Variants in KLC2 observed in about 807,000 individuals in gnomAD.
KLC2 encodes KLC 2.
A neutral mutation model predicts 75.1 loss-of-function variants in KLC2; 35 were observed. That is an observed-to-expected ratio of 0.47 (90% confidence interval 0.36 to 0.62). KLC2 has a LOEUF of 0.62. KLC2 is among the 20% of genes least tolerant of loss of function. The pLI is 0.00. For missense variants in KLC2, 611 were observed against 833.2 expected (o/e 0.73, Z 3.28); for synonymous variants, 314 against 336.7 (o/e 0.93, Z 0.74).
At chr11:66,265,325 C>T in intron 11 of KLC2, 90 bp downstream of exon 11, 1 of 1,147,788 alleles carries the variant, frequency 8.7e-7, no homozygotes, top group Non-Finnish European at 1.3e-6. Context: ...CCCTCCTCTG[C>T]TGCTCATCTG....
chr11:66,264,424 AAG>A lies in KLC2; in HGVS notation c.1199_1200del (p.Glu400ValfsTer24). ...GAGATCCTCACCCGCGCTCATGAGA[AAG>A]AGTTTGGCTCTGTCAATGGTGAGTG... is the stretch of plus-strand genomic sequence containing the variant. On this transcript the variant is annotated frameshift_variant, in exon 9 of 16. Coordinates refer to ENST00000394067, the MANE Select transcript of KLC2 (RefSeq NM_001318734.2). LOFTEE classifies it high-confidence loss of function. 6.2e-7 allele frequency: 1 copy of A among 1,613,242 alleles called. No homozygotes were observed. The highest frequency in any genetic ancestry group is 8.5e-7 in the Non-Finnish European group (1 of 1,179,614).
intron 2 of KLC2, 107 bp downstream of exon 2, chr11:66,258,929 C>A: frequency 2.6e-6 from 2 of 781,406 alleles, no homozygotes; most frequent in Non-Finnish European, 4.1e-6. Context: ...CGTCTGTTTC[C>A]TGGAGCCCCA....
the KLC2 span, among the ~76,000 whole-genome samples, chr11:66,246,495 C>T: frequency 6.6e-6 from 1 of 152,174 alleles, no homozygotes; most frequent in Non-Finnish European, 1.5e-5. Context: ...CATCCCTCTT[C>T]ACTCCTTGAG....
chr11:66,256,685 G>A (rs1390489098), upstream of KLC2, among the ~76,000 whole-genome samples: 1 of 152,186 alleles, frequency 6.6e-6, no homozygotes, highest in Non-Finnish European at 1.5e-5. Flanking sequence ...AAAAACCATT[G>A]GCAGAGCACA....
chr11:66,260,404 G>A (rs2134803248), intron 2 of KLC2, among the ~76,000 whole-genome samples: 1 of 152,306 alleles, frequency 6.6e-6, no homozygotes, highest in East Asian at 1.9e-4. Flanking sequence ...AAGGCCATGT[G>A]TGAAGCTGGA....
intron 15 of KLC2, 42 bp downstream of exon 15, chr11:66,266,532 G>A (rs373056614): frequency 3.2e-5 from 50 of 1,568,098 alleles, no homozygotes; most frequent in African/African-American, 6.8e-5. Flanking sequence ...AGCTGCGGCC[G>A]GGGCTGCATG....
rs1408091386 is a variant in KLC2, at chr11:66,267,338, T to C, written c.*382T>C. The C allele has an allele frequency of 1.3e-6, 1 of 758,588 alleles. No individual in the cohort carries two copies. Among genetic ancestry groups the C allele is most frequent in the Middle Eastern group, 2.2e-4 (1 of 4,454 alleles). The allele number at this position is 758,588 out of a possible 1,614,324, so 47.0% of individuals were successfully genotyped here. A position where few individuals can be genotyped will look rare whatever the true frequency, so the allele number is the denominator to read the frequency against. ...CGACTCAACCCGGCCGTTGCTTCTGTATATAGAGAAATAAGTTATTGGCCG... is the reference window on the plus strand; with the variant it reads ...CGACTCAACCCGGCCGTTGCTTCTGCATATAGAGAAATAAGTTATTGGCCG... On this transcript the variant is annotated 3_prime_UTR_variant, in exon 16 of 16. Coordinates refer to ENST00000394067, the MANE Select transcript of KLC2 (RefSeq NM_001318734.2).
chr11:66,245,663 C>T, the KLC2 span, among the ~76,000 whole-genome samples: 1 of 151,998 alleles, frequency 6.6e-6, no homozygotes, highest in Non-Finnish European at 1.5e-5. Context: ...TTGCAGTGAG[C>T]CGAGATCGCG....
intron 2 of KLC2, chr11:66,261,451 G>A (rs113230199): frequency 2.7e-6 from 1 of 373,572 alleles, no homozygotes; most frequent in Non-Finnish European, 4.9e-6. Flanking sequence ...GAAGGAAGGG[G>A]CTAGTAGCTC....
In KLC2 at chr11:66,261,733, G is replaced by A. The variant is rs747678728; in HGVS notation, c.229-9G>A. ...AGGCCTCCGACCCTTACCTGGGCTG[G>A]TTGCACAGGTGATCTTGGCATTGTC... On this transcript the variant is annotated splice_polypyrimidine_tract_variant and intron_variant, in intron 2 of 15. Transcript: ENST00000394067. The A allele has an allele frequency of 2.4e-5, 39 of 1,597,250 alleles. 1 individual carries two copies. The South Asian group carries it at 4.3e-4, about 18-fold the overall frequency.
At position 66,258,654 on chromosome 11, in the gene KLC2, C is replaced by T; in HGVS notation, c.60C>T (p.Gly20=). ...EKLSQDEIVL[G]TKAVIQGLET... Reference sequence around the variant, plus strand: ...TGAGCCAGGATGAGATCGTGCTGGGCACCAAGGCTGTCATCCAGGGACTGG... The same window carrying T: ...TGAGCCAGGATGAGATCGTGCTGGGTACCAAGGCTGTCATCCAGGGACTGG... The change falls in exon 2 of 16, where the codon GGC becomes GGT. Residue 20 remains glycine (G), a synonymous_variant. Coordinates refer to ENST00000394067, the MANE Select transcript of KLC2 (RefSeq NM_001318734.2). 3.1e-6 allele frequency: 5 copies of T among 1,614,074 alleles called. No individual in the cohort carries two copies. Among genetic ancestry groups the T allele is most frequent in the Non-Finnish European group, 4.2e-6 (5 of 1,179,998 alleles).
At chr11:66,248,091 G>A in the KLC2 span, among the ~76,000 whole-genome samples, 1 of 152,128 alleles carries the variant, frequency 6.6e-6, no homozygotes, top group African/African-American at 2.4e-5. Flanking sequence ...AGAGACTAAA[G>A]GCTTTTTGAT....
At position 66,258,542 on chromosome 11, in the gene KLC2, C is replaced by T. The variant is rs563973817; in HGVS notation, c.-11-42C>T. 3.5e-5 allele frequency: 50 copies of T among 1,425,422 alleles called. 1 individual carries two copies. The South Asian group carries it at 5.5e-4, about 16-fold the overall frequency. The allele number at this position is 1,425,422 out of a possible 1,614,324, so 88.3% of individuals were successfully genotyped here. On this transcript the variant is annotated intron_variant, in intron 1 of 15. Transcript: ENST00000394067. ...AATCCGGGGCGGACGGCGGTGTGGC[C>T]CCAGGCCCGGCGCCCGCCTGCCCGC...
At position 66,264,445 on chromosome 11, in the gene KLC2, G is replaced by T; in HGVS notation, c.1216+1G>T. ...GAGAAAGAGTTTGGCTCTGTCAATGGTGAGTGCGTGGTCACCAGGTGCCTC... is the reference window on the plus strand; with the variant it reads ...GAGAAAGAGTTTGGCTCTGTCAATGTTGAGTGCGTGGTCACCAGGTGCCTC... On this transcript the variant is annotated splice_donor_variant, in intron 9 of 15. Transcript: ENST00000394067. LOFTEE classifies it high-confidence loss of function. The T allele has an allele frequency of 6.2e-7, 1 of 1,608,752 alleles. No homozygotes were observed. Among genetic ancestry groups the T allele is most frequent in the Non-Finnish European group, 8.5e-7 (1 of 1,176,118 alleles).
At chr11:66,264,004 G>A (rs1856627643) in intron 7 of KLC2, 42 bp from the exon 8 acceptor site, 7 of 1,611,776 alleles carry the variant, frequency 4.3e-6, no homozygotes, top group Non-Finnish European at 5.9e-6. Context: ...CAGGGGCCCG[G>A]GCAGCCCTGA....
chr11:66,258,463 T>TG, intron 1 of KLC2, 121 bp from the exon 2 acceptor site: 1 of 659,470 alleles, frequency 1.5e-6, no homozygotes, highest in East Asian at 2.7e-5. Context: ...GGCTGCCGGC[T>TG]GGGGGACCTG....
chr11:66,260,443 A>G (rs547154158), intron 2 of KLC2, among the ~76,000 whole-genome samples: 2 of 152,298 alleles, frequency 1.3e-5, no homozygotes, highest in East Asian at 3.9e-4. Context: ...CTAGCTGGAG[A>G]CACAACTGCA....
intron 5 of KLC2, 68 bp from the exon 6 acceptor site, chr11:66,263,592 G>C: frequency 1.9e-6 from 2 of 1,078,920 alleles, no homozygotes; most frequent in African/African-American, 1.5e-5. Context: ...TGACCACAGG[G>C]ATTGCAGACC....
rs2134846409 is a variant in KLC2 at position 66,267,099 on chromosome 11, T to C, written c.*143T>C. 6.5e-7 allele frequency: 1 copy of C among 1,532,502 alleles called. No homozygotes were observed. Among genetic ancestry groups the C allele is most frequent in the Non-Finnish European group, 8.8e-7 (1 of 1,136,600 alleles). 94.9% of individuals were successfully genotyped at this position (1,532,502 alleles called of 1,614,324 possible). On this transcript the variant is annotated 3_prime_UTR_variant, in exon 16 of 16. Coordinates refer to ENST00000394067, the MANE Select transcript of KLC2 (RefSeq NM_001318734.2). ...TTCAATCTCAGGGTAACCTTCTCCCTTGTCATCTCAGCCTGAGCCCTGGAG... is the reference window on the plus strand; with the variant it reads ...TTCAATCTCAGGGTAACCTTCTCCCCTGTCATCTCAGCCTGAGCCCTGGAG...
Sources: allele counts gnomAD v4.1 joint callset (sites outside exome capture counted in the v4.1 genomes callset), GRCh38; gene constraint gnomAD v4.1.1; transcripts MANE v1.5; gene names NCBI Gene and HGNC (gene_info 2026-07-23, HGNC 2026-07-21).